The following EYS variants were observed in gnomAD, a reference collection of about 807,000 sequenced individuals.
The protein encoded by EYS is EGF-like photoreceptor maintenance factor.
In EYS, 250 loss-of-function variants were observed where a neutral mutation model predicts 282.1. That is an observed-to-expected ratio of 0.89 (90% CI 0.80 to 0.98). The LOEUF is 0.98. EYS is among the 50% of genes least tolerant of loss of function. EYS has a pLI of 0.00. For missense variants in EYS, 4,016 were observed against 3,709.0 expected, an observed-to-expected ratio of 1.08 and a Z score of -2.15; for synonymous variants, 1,355 against 1,282.9, an observed-to-expected ratio of 1.06 and a Z score of -1.20.
chr6:64,335,479 C>T (rs1220835234), intron 29 of EYS, among the ~76,000 whole-genome samples: 1 of 152,032 alleles, frequency 6.6e-6, no homozygotes, highest in Non-Finnish European at 1.5e-5. Flanking sequence ...GTAATGCTGC[C>T]TTTGTTTCTT....
intron 12 of EYS, among the ~76,000 whole-genome samples, chr6:65,248,381 AG>A (rs1767234466): frequency 6.6e-6 from 1 of 152,106 alleles, no homozygotes; most frequent in Non-Finnish European, 1.5e-5. Flanking sequence ...CAGACCTGTC[AG>A]GAAGAGGAGA....
intron 18 of EYS, among the ~76,000 whole-genome samples, chr6:64,887,600 T>C (rs1406796307): frequency 6.6e-6 from 1 of 152,050 alleles, no homozygotes; most frequent in Non-Finnish European, 1.5e-5. Context: ...TCTATTTAGA[T>C]TTTTTAGGAA....
intron 12 of EYS, among the ~76,000 whole-genome samples, chr6:65,295,434 A>G (rs1768634013): frequency 6.6e-6 from 1 of 151,948 alleles, no homozygotes; most frequent in African/African-American, 2.4e-5. Context: ...CACGGCATCA[A>G]ACTGACCTAG....
intron 41 of EYS, among the ~76,000 whole-genome samples, chr6:63,736,751 C>A (rs1768923907): frequency 1.3e-5 from 2 of 151,960 alleles, no homozygotes; most frequent in Admixed American, 1.3e-4. Flanking sequence ...TTTGTATCCT[C>A]TTTTATTTCA....
At chr6:64,284,364 C>A (rs1443277961) in intron 30 of EYS, among the ~76,000 whole-genome samples, 1 of 152,200 alleles carries the variant, frequency 6.6e-6, no homozygotes, top group Non-Finnish European at 1.5e-5. Context: ...GGTCTCACAT[C>A]CAGGTCATGC....
chr6:64,446,916 C>T (rs977898464), intron 26 of EYS, among the ~76,000 whole-genome samples: 2 of 150,026 alleles, frequency 1.3e-5, no homozygotes, highest in African/African-American at 4.9e-5. Context: ...TAAAATGATC[C>T]CTTTCTCCAG....
At position 63,869,571 on chromosome 6, in the gene EYS, G is replaced by A. The variant is rs555684756; in HGVS notation, c.7056-5213C>T. Among the ~76,000 whole-genome samples, 31 of 152,256 alleles carry A rather than the reference G, an allele frequency of 2.0e-4. No homozygotes were observed. The East Asian group carries it at 3.9e-3, about 19-fold the overall frequency. On this transcript the variant is annotated intron_variant, in intron 35 of 42. Coordinates refer to ENST00000503581, the MANE Select transcript of EYS (RefSeq NM_001142800.2). ...GTTTTGCTTCCAAGGGAGCAGACTT[G>A]GAGAACATGAAGCCCAAAAGGGGAG...
At chr6:64,092,596 G>T (rs979100295) in intron 31 of EYS, among the ~76,000 whole-genome samples, 2 of 152,126 alleles carry the variant, frequency 1.3e-5, no homozygotes, top group Non-Finnish European at 2.9e-5. Flanking sequence ...TTTTGATGGG[G>T]TTCTTTGTTT....
intron 22 of EYS, among the ~76,000 whole-genome samples, chr6:64,726,805 C>T (rs765891789): frequency 2.0e-5 from 3 of 152,014 alleles, no homozygotes; most frequent in Non-Finnish European, 4.4e-5. Context: ...TCCTGTAGAA[C>T]GAAAACAAAA....
intron 12 of EYS, among the ~76,000 whole-genome samples, chr6:65,202,573 C>T (rs932758306): frequency 2.6e-5 from 4 of 152,092 alleles, no homozygotes; most frequent in Non-Finnish European, 5.9e-5. Flanking sequence ...CATCTGCGGC[C>T]TGATCTCCAG....
intron 9 of EYS, among the ~76,000 whole-genome samples, chr6:65,346,423 A>C (rs7756476): frequency 0.013 from 1,898 of 151,312 alleles, 46 homozygotes; most frequent in African/African-American, 0.043. Flanking sequence ...AAAACAAAAA[A>C]CAATGTCCGA....
At chr6:65,640,448 A>C (rs1219955115) in intron 1 of EYS, among the ~76,000 whole-genome samples, 1 of 152,148 alleles carries the variant, frequency 6.6e-6, no homozygotes, top group African/African-American at 2.4e-5. Flanking sequence ...GAAACTTTTT[A>C]ATACATAGGC....
chr6:64,811,302 C>T (rs1281609718), intron 22 of EYS, among the ~76,000 whole-genome samples: 6 of 151,936 alleles, frequency 3.9e-5, no homozygotes, highest in Non-Finnish European at 7.4e-5. Flanking sequence ...TAGATGACTC[C>T]TATTTAAATA....
chr6:63,967,291 T>C (rs931986837), intron 35 of EYS, among the ~76,000 whole-genome samples: 7 of 152,220 alleles, frequency 4.6e-5, no homozygotes, highest in African/African-American at 1.7e-4. Flanking sequence ...TAATTGTTTA[T>C]TTTTGGAATT....
intron 35 of EYS, among the ~76,000 whole-genome samples, chr6:63,917,458 T>C (rs1764455130): frequency 6.6e-6 from 1 of 152,242 alleles, no homozygotes; most frequent in Admixed American, 6.5e-5. Context: ...CCTCTGTTCA[T>C]GCTAAAAGAC....
At chr6:64,353,153 C>T (rs1771703368) in intron 29 of EYS, among the ~76,000 whole-genome samples, 1 of 151,402 alleles carries the variant, frequency 6.6e-6, no homozygotes, top group African/African-American at 2.4e-5. Flanking sequence ...TTCCCTATTT[C>T]CTGCTTTATT....
intron 26 of EYS, among the ~76,000 whole-genome samples, chr6:64,589,949 A>G (rs1766347717): frequency 2.6e-5 from 4 of 152,132 alleles, no homozygotes; most frequent in African/African-American, 9.7e-5. Flanking sequence ...GAGATCTGTC[A>G]TAATGAATTG....
chr6:64,493,473 T>C (rs1776794976), intron 26 of EYS, among the ~76,000 whole-genome samples: 1 of 151,554 alleles, frequency 6.6e-6, no homozygotes, highest in Non-Finnish European at 1.5e-5. Flanking sequence ...AATGGAACAA[T>C]GAATGCTTCG....
intron 31 of EYS, among the ~76,000 whole-genome samples, chr6:64,171,002 C>A (rs1764461460): frequency 6.6e-6 from 1 of 152,220 alleles, no homozygotes; most frequent in South Asian, 2.1e-4. Context: ...CCCCTTATGC[C>A]TTTACCCCTG....
Sources: allele counts gnomAD v4.1 joint callset (sites outside exome capture counted in the v4.1 genomes callset), GRCh38; gene constraint gnomAD v4.1.1; transcripts MANE v1.5; gene names NCBI Gene and HGNC (gene_info 2026-07-23, HGNC 2026-07-21).